Variants in TMLHE observed in about 807,000 individuals in gnomAD.
The protein encoded by TMLHE is trimethyllysine dioxygenase, mitochondrial.
A neutral mutation model predicts 25.7 loss-of-function variants in TMLHE; 18 were observed. The ratio of observed to expected loss-of-function variants is 0.70; its 90% CI spans 0.48 to 1.04. The LOEUF is 1.04. Ranked by LOEUF, TMLHE falls within the 50% of genes least tolerant of loss-of-function variation. The pLI is 0.00. For missense variants in TMLHE, 236 were observed against 259.0 expected (o/e 0.91, Z 0.61); for synonymous variants, 105 against 97.0 (o/e 1.08, Z -0.49).
chrX:155,560,377 C>T (rs908479678), intron 1 of TMLHE, among the ~76,000 whole-genome samples: 1 of 109,598 alleles, frequency 9.1e-6, no homozygotes, highest in Non-Finnish European at 1.9e-5. Flanking sequence ...TAGGGATATA[C>T]CAGTGAACAA....
At position 155,511,707 on chromosome X, in the gene TMLHE, G is replaced by A. The variant is rs782345173; in HGVS notation, c.724C>T (p.His242Tyr). The A allele has an allele frequency of 3.3e-6, 4 of 1,203,435 alleles. No homozygotes were observed. Among genetic ancestry groups the A allele is most frequent in the Non-Finnish European group, 4.5e-6 (4 of 890,071 alleles). The part of the protein sequence containing the change: ...TAYTKLALDR[H>Y]TDTTYFQEPC... ...TCTTGAAAATAGGTAGTGTCAGTGT[G>A]CCGATCCAGAGCTAGCTTGGTGTAC... Residue 242 changes from histidine (H) to tyrosine (Y), a missense_variant, in exon 5 of 8, where the codon CAC becomes TAC. Physicochemically the swap from His to Tyr is moderately conservative, Grantham distance 83. Transcript: ENST00000334398.
At chrX:155,547,728 A>G (rs1186878898) in intron 1 of TMLHE, among the ~76,000 whole-genome samples, 2 of 110,579 alleles carry the variant, frequency 1.8e-5, no homozygotes, top group Non-Finnish European at 3.8e-5. Flanking sequence ...AAAAAAAAAA[A>G]AGATGGGATT....
At chrX:155,555,616 C>T (rs2067447141) in intron 1 of TMLHE, among the ~76,000 whole-genome samples, 2 of 111,261 alleles carry the variant, frequency 1.8e-5, no homozygotes, top group African/African-American at 6.6e-5. Flanking sequence ...ATTTGCATTT[C>T]TCTGATGACC....
intron 2 of TMLHE, among the ~76,000 whole-genome samples, chrX:155,536,651 TCTC>T (rs1225132114): frequency 4.5e-5 from 5 of 111,885 alleles, no homozygotes; most frequent in African/African-American, 1.6e-4. Flanking sequence ...ATGACCACCT[TCTC>T]CTTCAAAATA....
chrX:155,510,142 G>A (rs1457807739), intron 5 of TMLHE, among the ~76,000 whole-genome samples: 1 of 109,757 alleles, frequency 9.1e-6, no homozygotes, highest in Non-Finnish European at 1.9e-5. Context: ...CTTTTTTGGG[G>A]GATAATTTAT....
chrX:155,506,085 T>A (rs1603010411), intron 6 of TMLHE, among the ~76,000 whole-genome samples: 1 of 110,824 alleles, frequency 9.0e-6, no homozygotes, highest in Admixed American at 9.7e-5. Context: ...TTAAAAGCCA[T>A]AAGGAAGGAC....
chrX:155,512,438 G>C (rs1457618834), intron 4 of TMLHE, among the ~76,000 whole-genome samples: 1 of 107,781 alleles, frequency 9.3e-6, no homozygotes, highest in African/African-American at 3.4e-5. Flanking sequence ...TTGTCCTTGC[G>C]ATAGTTTACT....
intron 7 of TMLHE, 77 bp from the exon 8 acceptor site, chrX:155,491,743 G>C (rs1557331803): frequency 7.0e-6 from 2 of 287,738 alleles, no homozygotes; most frequent in African/African-American, 7.1e-5. Context: ...GGAACCCTAA[G>C]TCAGAAGAGA....
chrX:155,561,619 G>T lies in TMLHE; in HGVS notation c.-1-16342C>A, dbSNP rs1256674649. On this transcript the variant is annotated intron_variant, in intron 1 of 7. Coordinates refer to ENST00000334398, the MANE Select transcript of TMLHE (RefSeq NM_018196.4). ...AGTCCAAAGTCTTATCGGACACAAG[G>T]CAAGTTCCTTCTGCTATGATCCCAT... Among the ~76,000 whole-genome samples the T allele has an allele frequency of 8.1e-5, 5 of 61,723 alleles. No individual in the cohort carries two copies. In the South Asian group the frequency reaches 3.0e-3, roughly 37 times the overall value. The allele number at this position is 61,723 out of a possible 115,157, so 53.6% of individuals were successfully genotyped here.
intron 1 of TMLHE, among the ~76,000 whole-genome samples, chrX:155,547,696 C>G (rs7879182): frequency 0.018 from 1,901 of 105,281 alleles, 55 homozygotes; most frequent in African/African-American, 0.062. Context: ...TTTATATTAA[C>G]TTAAAAATAA....
rs1407744284 is a variant in TMLHE at position 155,561,742 on chromosome X, G to C, written c.-1-16465C>G. Among the ~76,000 whole-genome samples the C allele has an allele frequency of 4.8e-5, 3 of 62,523 alleles. 1 individual carries two copies. Among genetic ancestry groups the C allele is most frequent in the African/African-American group, 1.1e-4 (3 of 28,180 alleles). 54.3% of individuals were successfully genotyped at this position (62,523 alleles called of 115,157 possible). On this transcript the variant is annotated intron_variant, in intron 1 of 7. Coordinates refer to ENST00000334398, the MANE Select transcript of TMLHE (RefSeq NM_018196.4). Reference sequence around the variant, plus strand: ...AATGGGAGAAATTGGCCAAAACAAAGGGGCCACAGGCCCCACACACGTTCA... The same window carrying C: ...AATGGGAGAAATTGGCCAAAACAAACGGGCCACAGGCCCCACACACGTTCA...
intron 1 of TMLHE, among the ~76,000 whole-genome samples, chrX:155,587,180 A>T (rs376567370): frequency 8.9e-6 from 1 of 112,214 alleles, no homozygotes; most frequent in African/African-American, 3.2e-5. Flanking sequence ...ATCAAGTGAG[A>T]TTTATCCCAG....
chrX:155,573,924 G>A (rs1441653879), intron 1 of TMLHE, among the ~76,000 whole-genome samples: 3 of 99,920 alleles, frequency 3.0e-5, no homozygotes, highest in African/African-American at 1.2e-4. Context: ...CATGGCACAT[G>A]TATACATATG....
chrX:155,552,651 A>T (rs2067422638), intron 1 of TMLHE, among the ~76,000 whole-genome samples: 1 of 109,453 alleles, frequency 9.1e-6, no homozygotes, highest in African/African-American at 3.4e-5. Flanking sequence ...CAATTTTATT[A>T]GTCTTTTCAT....
At chrX:155,549,445 C>A (rs1463193394) in intron 1 of TMLHE, among the ~76,000 whole-genome samples, 3 of 110,309 alleles carry the variant, frequency 2.7e-5, no homozygotes, top group Non-Finnish European at 5.7e-5. Context: ...AGGAATATGA[C>A]TTGAATTTTA....
At chrX:155,563,787 A>G (rs1288621352) in intron 1 of TMLHE, among the ~76,000 whole-genome samples, 2 of 61,826 alleles carry the variant, frequency 3.2e-5, no homozygotes, top group Non-Finnish European at 9.0e-5. Flanking sequence ...ATTGGTATAG[A>G]CAGAGAAAAG....
intron 1 of TMLHE, among the ~76,000 whole-genome samples, chrX:155,557,926 A>G (rs191326301): frequency 9.0e-6 from 1 of 111,444 alleles, no homozygotes; most frequent in East Asian, 2.8e-4. Context: ...ATGCCTGTCC[A>G]GGCCCATCAT....
At chrX:155,515,338 G>A (rs2067145038) in intron 3 of TMLHE, among the ~76,000 whole-genome samples, 1 of 109,959 alleles carries the variant, frequency 9.1e-6, no homozygotes, top group African/African-American at 3.3e-5. Context: ...AATTTTTAAA[G>A]CTTACAAAAT....
At position 155,554,668 on chromosome X, in the gene TMLHE, G is replaced by A. The variant is rs782500564; in HGVS notation, c.-1-9391C>T. 5.5e-5 allele frequency among the ~76,000 whole-genome samples: 6 copies of A among 109,371 alleles called. 1 individual carries two copies. The highest frequency in any genetic ancestry group is 2.0e-4 in the African/African-American group (6 of 29,783). 95.0% of individuals were successfully genotyped at this position (109,371 alleles called of 115,157 possible). The stretch of plus-strand genomic sequence containing the variant: ...TTTTTGAATCCACGAACTGATGCTT[G>A]TGACAGGCAGATTTCTAAGATGACC... On this transcript the variant is annotated intron_variant, in intron 1 of 7. Coordinates refer to ENST00000334398, the MANE Select transcript of TMLHE (RefSeq NM_018196.4).
Sources: allele counts gnomAD v4.1 joint callset (sites outside exome capture counted in the v4.1 genomes callset), GRCh38; gene constraint gnomAD v4.1.1; transcripts MANE v1.5; gene names NCBI Gene and HGNC (gene_info 2026-07-23, HGNC 2026-07-21).